Variants in BNC2 observed in about 807,000 individuals in gnomAD.
The protein encoded by BNC2 is basonuclin zinc finger protein 2, also known as zinc finger protein basonuclin-2.
BNC2 carries 20 observed loss-of-function variants against 76.3 expected under a neutral mutation model. That is an observed-to-expected ratio of 0.26 (90% CI 0.18 to 0.38). The LOEUF (loss-of-function observed/expected upper bound fraction) is 0.38. Ranked by LOEUF, BNC2 falls within the 10% of genes least tolerant of loss-of-function variation. The pLI, the probability that BNC2 is intolerant of heterozygous loss-of-function variation, is 1.00. For synonymous variants in BNC2, 582 were observed against 514.8 expected (o/e 1.13, Z -1.77); for missense variants, 1,382 against 1,399.8 (o/e 0.99, Z 0.20).
chr9:16,565,865 T>C (rs1054522665), intron 4 of BNC2, among the ~76,000 whole-genome samples: 10 of 150,014 alleles, frequency 6.7e-5, no homozygotes, highest in Non-Finnish European at 1.0e-4. Flanking sequence ...AATTACAAAC[T>C]GGATATGTGA....
At chr9:16,808,479 CTTTTTTTTTT>C (rs768028981) in intron 1 of BNC2, among the ~76,000 whole-genome samples, 3 of 78,678 alleles carry the variant, frequency 3.8e-5, no homozygotes, top group Admixed American at 2.1e-4. Context: ...TCTTGGGCAA[CTTTTTTTTTT>C]TTTTTTTTTT....
intron 1 of BNC2, among the ~76,000 whole-genome samples, chr9:16,779,254 G>A (rs1258421542): frequency 1.4e-5 from 2 of 147,154 alleles, no homozygotes; most frequent in South Asian, 2.2e-4. Flanking sequence ...CAGTGAGCCA[G>A]TATCACACTA....
chr9:16,482,073 T>C (rs1443839264), intron 5 of BNC2, among the ~76,000 whole-genome samples: 4 of 152,218 alleles, frequency 2.6e-5, no homozygotes, highest in Non-Finnish European at 5.9e-5. Context: ...ACATGCTAAA[T>C]ACTAAAAACT....
At chr9:16,714,957 G>C (rs1000147770) in intron 3 of BNC2, among the ~76,000 whole-genome samples, 4 of 152,088 alleles carry the variant, frequency 2.6e-5, no homozygotes, top group African/African-American at 9.7e-5. Context: ...ATGTTTTCTT[G>C]AAGCAGGTAT....
chr9:16,575,181 C>T (rs893120416), intron 4 of BNC2: 81 of 783,506 alleles, frequency 1.0e-4, no homozygotes, highest in Non-Finnish European at 1.2e-4. Context: ...ATTCTACCTA[C>T]AGTAGGTGAC....
chr9:16,514,457 T>C (rs973033292), intron 5 of BNC2, among the ~76,000 whole-genome samples: 2 of 152,034 alleles, frequency 1.3e-5, no homozygotes, highest in African/African-American at 4.8e-5. Flanking sequence ...TTGTTATGTG[T>C]TTTTCACCCA....
intron 4 of BNC2, among the ~76,000 whole-genome samples, chr9:16,557,628 G>A (rs764830825): frequency 3.3e-5 from 5 of 151,982 alleles, no homozygotes; most frequent in African/African-American, 9.7e-5. Flanking sequence ...CATCCAATCA[G>A]GTATTACTCC....
chr9:16,833,590 T>C (rs1444107477), intron 1 of BNC2, among the ~76,000 whole-genome samples: 1 of 152,180 alleles, frequency 6.6e-6, no homozygotes, highest in African/African-American at 2.4e-5. Context: ...AGTGTTACTG[T>C]CCTTGCAGGC....
intron 5 of BNC2, among the ~76,000 whole-genome samples, chr9:16,441,536 A>G (rs1184703781): frequency 6.6e-6 from 1 of 152,216 alleles, no homozygotes; most frequent in Non-Finnish European, 1.5e-5. Context: ...TCTTTGTGAT[A>G]GAAATAAGTA....
intron 5 of BNC2, among the ~76,000 whole-genome samples, chr9:16,511,257 C>T (rs1168154784): frequency 6.6e-6 from 1 of 151,214 alleles, no homozygotes; most frequent in African/African-American, 2.4e-5. Flanking sequence ...CTACAGGCAC[C>T]TGACACCATG....
intron 3 of BNC2, among the ~76,000 whole-genome samples, chr9:16,699,763 C>T (rs944215151): frequency 5.9e-5 from 9 of 152,158 alleles, no homozygotes; most frequent in Admixed American, 3.9e-4. Flanking sequence ...TTTACAAAGT[C>T]ACATAGGAAA....
chr9:16,771,985 C>T (rs1355805119), intron 1 of BNC2, among the ~76,000 whole-genome samples: 1 of 152,176 alleles, frequency 6.6e-6, no homozygotes, highest in Admixed American at 6.5e-5. Context: ...ATCCCTGTTG[C>T]ATTATCTACC....
chr9:16,662,608 T>C (rs982716890), intron 3 of BNC2, among the ~76,000 whole-genome samples: 3 of 152,158 alleles, frequency 2.0e-5, no homozygotes, highest in African/African-American at 7.2e-5. Context: ...TGGTGGTGCA[T>C]GCCTGTAGTC....
At chr9:16,777,985 C>T (rs1172108738) in intron 1 of BNC2, among the ~76,000 whole-genome samples, 1 of 152,178 alleles carries the variant, frequency 6.6e-6, no homozygotes, top group Non-Finnish European at 1.5e-5. Flanking sequence ...CTAACTTCTA[C>T]TTCCAAAGCC....
At position 16,861,995 on chromosome 9, in the gene BNC2, CA is replaced by C. The variant is rs547045231; in HGVS notation, c.3+8650del. ...CAGAGCGAGACTCCATCTCAAAAGA[CA>C]AAAAAAAAAAAGACACATAACAAGT... On this transcript the variant is annotated intron_variant, in intron 1 of 6. Transcript: ENST00000380672. Among the ~76,000 whole-genome samples the C allele has an allele frequency of 2.6e-3, 321 of 123,024 alleles. 1 individual carries two copies. Among genetic ancestry groups the C allele is most frequent in the Middle Eastern group, 0.011 (3 of 268 alleles). The allele number at this position is 123,024 out of a possible 152,430, so 80.7% of individuals were successfully genotyped here. A position where few individuals can be genotyped will look rare whatever the true frequency, so the allele number is the denominator to read the frequency against.
chr9:16,440,714 C>T (rs867521379), intron 5 of BNC2, among the ~76,000 whole-genome samples: 8 of 152,262 alleles, frequency 5.3e-5, no homozygotes, highest in Admixed American at 1.3e-4. Context: ...CACCACAATG[C>T]CCACTACTAT....
chr9:16,533,178 T>C (rs1359020034), intron 5 of BNC2, among the ~76,000 whole-genome samples: 1 of 152,196 alleles, frequency 6.6e-6, no homozygotes, highest in Non-Finnish European at 1.5e-5. Flanking sequence ...TGAAGTCTTG[T>C]AAAACATAAC....
intron 4 of BNC2, among the ~76,000 whole-genome samples, chr9:16,577,302 G>A (rs1819513601): frequency 6.6e-6 from 1 of 150,778 alleles, no homozygotes; most frequent in African/African-American, 2.4e-5. Context: ...GACATATCAA[G>A]TACAAGCTGA....
At chr9:16,492,649 T>A (rs768789957) in intron 5 of BNC2, among the ~76,000 whole-genome samples, 7 of 152,162 alleles carry the variant, frequency 4.6e-5, no homozygotes, top group Non-Finnish European at 8.8e-5. Context: ...ATTTCTTGTC[T>A]TTTAGGAATA....
Sources: allele counts gnomAD v4.1 joint callset (sites outside exome capture counted in the v4.1 genomes callset), GRCh38; gene constraint gnomAD v4.1.1; transcripts MANE v1.5; gene names NCBI Gene and HGNC (gene_info 2026-07-23, HGNC 2026-07-21).